DSCAM: variants seen among roughly 807,000 people sequenced by gnomAD.
The protein encoded by DSCAM is cell adhesion molecule DSCAM.
DSCAM carries 47 observed loss-of-function variants against 217.7 expected under a neutral mutation model. That is an observed-to-expected ratio of 0.22 (90% CI 0.17 to 0.28). The LOEUF (loss-of-function observed/expected upper bound fraction) is 0.28, where lower values mean the gene tolerates loss of function less well. Ranked by LOEUF, DSCAM falls within the 10% of genes least tolerant of loss-of-function variation. DSCAM has a pLI of 1.00. For missense variants in DSCAM, 2,080 were observed against 2,618.3 expected, an observed-to-expected ratio of 0.79 and a Z score of 4.49; for synonymous variants, 1,056 against 1,015.3, an observed-to-expected ratio of 1.04 and a Z score of -0.76.
At chr21:40,631,009 T>A (rs2089684655) in intron 3 of DSCAM, among the ~76,000 whole-genome samples, 1 of 152,228 alleles carries the variant, frequency 6.6e-6, no homozygotes, top group African/African-American at 2.4e-5. Context: ...ATTATCATTT[T>A]ATAAATTAGA....
intron 3 of DSCAM, among the ~76,000 whole-genome samples, chr21:40,381,807 T>C (rs1353171835): frequency 6.6e-6 from 1 of 152,228 alleles, no homozygotes; most frequent in Non-Finnish European, 1.5e-5. Flanking sequence ...ATCAGTTTCA[T>C]GGATTGCAGC....
chr21:40,833,311 T>A (rs1035168419), intron 1 of DSCAM, among the ~76,000 whole-genome samples: 9 of 152,138 alleles, frequency 5.9e-5, no homozygotes, highest in Non-Finnish European at 1.3e-4. Flanking sequence ...GAGAACAGGT[T>A]ACAAAAATAT....
intron 1 of DSCAM, among the ~76,000 whole-genome samples, chr21:40,822,664 A>G (rs1225214081): frequency 6.6e-6 from 1 of 152,192 alleles, no homozygotes; most frequent in African/African-American, 2.4e-5. Context: ...CATTAATAAC[A>G]TTAGTAACAT....
chr21:40,085,690 C>T lies in DSCAM; in HGVS notation c.4044G>A (p.Thr1348=), dbSNP rs1416001609. 2.5e-6 allele frequency: 4 copies of T among 1,592,916 alleles called. No homozygotes were observed. The highest frequency in any genetic ancestry group is 1.3e-5 in the African/African-American group (1 of 74,708). ...AATAGCCGGAGTCTTCTGCTTTCAC[C>T]GTGCGAATAATGAAGCTTCCGTTGC... The part of the protein sequence containing the change: ...IFSNGSFIIR[T]VKAEDSGYYS... Residue 1348 remains threonine, a synonymous_variant, in exon 23 of 33, where the codon ACG becomes ACA. Coordinates refer to ENST00000400454, the MANE Select transcript of DSCAM (RefSeq NM_001389.5).
intron 18 of DSCAM, among the ~76,000 whole-genome samples, 166 bp downstream of exon 18, chr21:40,142,392 G>A (rs2090302532): frequency 6.6e-6 from 1 of 152,128 alleles, no homozygotes; most frequent in South Asian, 2.1e-4. Context: ...TAAACAAAGA[G>A]ACCTGTTCAA....
chr21:40,693,219 G>A (rs1315522838), intron 2 of DSCAM, among the ~76,000 whole-genome samples: 1 of 152,108 alleles, frequency 6.6e-6, no homozygotes, highest in African/African-American at 2.4e-5. Context: ...TAGATCCCTT[G>A]TGCCCAGGAG....
At chr21:40,613,302 G>T (rs1399290119) in intron 3 of DSCAM, among the ~76,000 whole-genome samples, 2 of 152,088 alleles carry the variant, frequency 1.3e-5, no homozygotes, top group Non-Finnish European at 2.9e-5. Flanking sequence ...ACATTCCATT[G>T]GGTACATTTG....
In DSCAM at chr21:40,338,108, G is replaced by C. The variant is rs774016134; in HGVS notation, c.1776C>G (p.Thr592=). Reference sequence around the variant, plus strand: ...CAGGAGAACAGGGCTTACCTTTCACGGTCACGTGGACGCTCTGGCTGGTGG... The same window carrying C: ...CAGGAGAACAGGGCTTACCTTTCACCGTCACGTGGACGCTCTGGCTGGTGG... The part of the protein sequence containing the change: ...QLSTSQSVHV[T]VKVPPFIQPF... The change falls in exon 8 of 33, where the codon ACC becomes ACG. Residue 592 remains threonine (T), a synonymous_variant. Coordinates refer to ENST00000400454, the MANE Select transcript of DSCAM (RefSeq NM_001389.5). 113 of 1,613,690 alleles carry C rather than the reference G, an allele frequency of 7.0e-5. 1 individual carries two copies. The highest frequency in any genetic ancestry group is 1.7e-6 in the Non-Finnish European group (2 of 1,179,958).
chr21:40,441,728 A>C (rs2075632098), intron 3 of DSCAM, among the ~76,000 whole-genome samples: 1 of 152,170 alleles, frequency 6.6e-6, no homozygotes, highest in African/African-American at 2.4e-5. Context: ...GATGAACCCC[A>C]GACTTATTTC....
At chr21:40,567,198 G>A (rs759515388) in intron 3 of DSCAM, among the ~76,000 whole-genome samples, 5 of 152,260 alleles carry the variant, frequency 3.3e-5, no homozygotes, top group East Asian at 3.9e-4. Context: ...GCTCCAAAAC[G>A]TATCCTGGTT....
intron 10 of DSCAM, among the ~76,000 whole-genome samples, chr21:40,286,730 AGTGTGATCCATG>A (rs2073829583): frequency 1.3e-5 from 2 of 151,996 alleles, no homozygotes; most frequent in African/African-American, 4.8e-5. Flanking sequence ...TGTGATCCAC[AGTGTGATCCATG>A]GTGTGATCTG....
intron 27 of DSCAM, among the ~76,000 whole-genome samples, chr21:40,063,545 ATAATT>A (rs747272749): frequency 2.0e-5 from 3 of 152,052 alleles, no homozygotes; most frequent in Non-Finnish European, 4.4e-5. Context: ...CCTTTAAAAT[ATAATT>A]TATTCTTTTT....
At chr21:40,387,916 T>A (rs989625370) in intron 3 of DSCAM, among the ~76,000 whole-genome samples, 48 of 151,902 alleles carry the variant, frequency 3.2e-4, no homozygotes, top group African/African-American at 1.1e-3. Flanking sequence ...TTAGACACAG[T>A]TGGGAAAAAT....
intron 1 of DSCAM, among the ~76,000 whole-genome samples, chr21:40,775,402 T>A (rs975977579): frequency 1.3e-5 from 2 of 152,122 alleles, no homozygotes; most frequent in Non-Finnish European, 2.9e-5. Flanking sequence ...AGTGTGTCTG[T>A]GAGGGTATTT....
intron 6 of DSCAM, among the ~76,000 whole-genome samples, chr21:40,341,220 C>T (rs976898326): frequency 2.6e-5 from 4 of 152,192 alleles, no homozygotes; most frequent in African/African-American, 7.2e-5. Flanking sequence ...TGCCTCATCA[C>T]ATCCTGTGTT....
At chr21:40,420,246 T>C (rs188881100) in intron 3 of DSCAM, among the ~76,000 whole-genome samples, 3 of 152,298 alleles carry the variant, frequency 2.0e-5, no homozygotes, top group East Asian at 1.9e-4. Context: ...AGTAAGTCTA[T>C]AGATATATGT....
At chr21:40,138,948 TGTGTGTGGTGTG>T (rs1195769667) in intron 18 of DSCAM, among the ~76,000 whole-genome samples, 4 of 144,562 alleles carry the variant, frequency 2.8e-5, no homozygotes, top group Admixed American at 6.9e-5. Flanking sequence ...GTATATGGGG[TGTGTGTGGTGTG>T]GTGTGTGGTG....
intron 3 of DSCAM, among the ~76,000 whole-genome samples, chr21:40,407,453 C>T (rs1216888311): frequency 1.3e-5 from 2 of 152,114 alleles, no homozygotes; most frequent in African/African-American, 4.8e-5. Flanking sequence ...CTTGCTTTGA[C>T]CAATAGAAAG....
At chr21:40,077,654 GAGTGACTTCATTGAA>G (rs1349542504) in intron 26 of DSCAM, among the ~76,000 whole-genome samples, 1 of 152,200 alleles carries the variant, frequency 6.6e-6, no homozygotes, top group African/African-American at 2.4e-5. Flanking sequence ...CCTCAGTTAT[GAGTGACTTCATTGAA>G]AGGCATCCCC....
Sources: gnomAD v4.1 joint callset for allele counts (sites outside exome capture counted in the v4.1 genomes callset) on GRCh38, gnomAD v4.1.1 for gene constraint, MANE v1.5 for transcripts, NCBI Gene and HGNC (gene_info 2026-07-23, HGNC 2026-07-21) for gene names.